The following SQSTM1 variants were observed in gnomAD, a reference collection of about 807,000 sequenced individuals.
The protein encoded by SQSTM1 is sequestosome-1.
SQSTM1 carries 36 observed loss-of-function variants against 45.1 expected under a neutral mutation model. That is an observed-to-expected ratio of 0.80 (90% confidence interval 0.61 to 1.05). The LOEUF (loss-of-function observed/expected upper bound fraction) is 1.05, where lower values mean the gene tolerates loss of function less well. Ranked by LOEUF, SQSTM1 falls within the 50% of genes least tolerant of loss-of-function variation. SQSTM1 has a pLI of 0.00. For synonymous variants in SQSTM1, 290 were observed against 244.3 expected (o/e 1.19, Z -1.74); for missense variants, 617 against 607.1 (o/e 1.02, Z -0.17).
At chr5:179,832,354 C>T (rs1758267756) in intron 5 of SQSTM1, among the ~76,000 whole-genome samples, 1 of 152,224 alleles carries the variant, frequency 6.6e-6, no homozygotes, top group Non-Finnish European at 1.5e-5. Flanking sequence ...TCCCCTCTGT[C>T]CCTGGTGAGT....
In SQSTM1 at chr5:179,837,886, C is replaced by G. The variant is rs201824663; in HGVS notation, c.*1293C>G. 306 of 1,601,874 alleles carry G rather than the reference C, an allele frequency of 1.9e-4. 3 individuals are homozygous for G. In the South Asian group the frequency reaches 3.3e-3, roughly 17 times the overall value. On this transcript the variant is annotated 3_prime_UTR_variant, in exon 8 of 8. Coordinates refer to ENST00000389805, the MANE Select transcript of SQSTM1 (RefSeq NM_003900.5). ...CCTTCCATGTCAGGCCAGCCTGTCC[C>G]TGAAAGAGAAGATGGCCATGCCCTC...
chr5:179,834,339 T>C (rs1307777328), intron 7 of SQSTM1, among the ~76,000 whole-genome samples: 3 of 151,740 alleles, frequency 2.0e-5, no homozygotes, highest in South Asian at 2.1e-4. Context: ...GGGCCGCCGC[T>C]GTGTGTCTTC....
At chr5:179,832,997 A>ACTTCACGG (rs1758306918) in intron 5 of SQSTM1, 35 bp from the exon 6 acceptor site, 1 of 1,611,022 alleles carries the variant, frequency 6.2e-7, no homozygotes, top group African/African-American at 1.3e-5. Flanking sequence ...CCTTGGGGGA[A>ACTTCACGG]CTTCACGGCT....
chr5:179,828,369 C>CTTTTTTTTTTTTTTTTTTTTTT (rs57483633), intron 5 of SQSTM1, among the ~76,000 whole-genome samples: 1 of 98,302 alleles, frequency 1.0e-5, no homozygotes, highest in Admixed American at 1.0e-4. Flanking sequence ...TTTTTCTTAT[C>CTTTTTTTTTTTTTTTTTTTTTT]TTTTTTTTTT....
At chr5:179,814,015 T>G (rs938243228), upstream of SQSTM1, among the ~76,000 whole-genome samples, 1 of 152,188 alleles carries the variant, frequency 6.6e-6, no homozygotes. Flanking sequence ...TAAAAATGTC[T>G]ATCGGGGTGG....
At chr5:179,809,778 A>G (rs1757339582) in intron 1 of SQSTM1, among the ~76,000 whole-genome samples, 3 of 149,416 alleles carry the variant, frequency 2.0e-5, no homozygotes, top group African/African-American at 7.4e-5. Flanking sequence ...TGAGTAGCTG[A>G]GATTACAGGC....
In SQSTM1 at chr5:179,837,915, G is replaced by T. The variant is rs1065154; in HGVS notation, c.*1322G>T. 911,284 of 1,586,700 alleles carry T rather than the reference G, an allele frequency of 0.57. 269,215 individuals carry two copies. Among genetic ancestry groups the T allele is most frequent in the African/African-American group, 0.88 (65,877 of 74,658 alleles). ...AAGAGAAGATGGCCATGCCCTCCAT[G>T]TGTAAGAACAATGCCAGGGCCCAGG... On this transcript the variant is annotated 3_prime_UTR_variant, in exon 8 of 8. Transcript: ENST00000389805.
chr5:179,818,648 G>A (rs1207711929), upstream of SQSTM1, among the ~76,000 whole-genome samples: 1 of 152,112 alleles, frequency 6.6e-6, no homozygotes, highest in African/African-American at 2.4e-5. Flanking sequence ...TTCCACCTCA[G>A]CCCCCCTGCA....
intron 5 of SQSTM1, among the ~76,000 whole-genome samples, chr5:179,832,506 A>G (rs917560229): frequency 1.3e-5 from 2 of 152,306 alleles, no homozygotes; most frequent in South Asian, 4.1e-4. Context: ...CTCTGTGTGC[A>G]GGTGTCAGGA....
chr5:179,832,502 G>T (rs991843656), intron 5 of SQSTM1, among the ~76,000 whole-genome samples: 2 of 152,232 alleles, frequency 1.3e-5, no homozygotes, highest in Non-Finnish European at 2.9e-5. Context: ...AAGCCTCTGT[G>T]TGCAGGTGTC....
At chr5:179,831,532 C>G (rs969212544) in intron 5 of SQSTM1, among the ~76,000 whole-genome samples, 2 of 151,892 alleles carry the variant, frequency 1.3e-5, no homozygotes, top group Non-Finnish European at 2.9e-5. Context: ...CGTGGTGGCA[C>G]GTGCCTATAG....
intron 5 of SQSTM1, 24 bp from the exon 6 acceptor site, chr5:179,833,008 T>G: frequency 6.2e-7 from 1 of 1,613,702 alleles, no homozygotes; most frequent in Non-Finnish European, 8.5e-7. Context: ...CTTCACGGCT[T>G]GCTCTTTCCT....
rs1370363543 is a variant in SQSTM1 at position 179,824,278 on chromosome 5, C to A, written c.628C>A (p.Pro210Thr). ...MGPPGNWSPR[P>T]PRAGEARPGP... ...TCCACCAGGAAACTGGAGCCCACGT[C>A]CTCCTCGTGCAGGGGAGGCCCGCCC... Residue 210 changes from proline to threonine, a missense_variant, in exon 4 of 8, where the codon CCT becomes ACT. Coordinates refer to ENST00000389805, the MANE Select transcript of SQSTM1 (RefSeq NM_003900.5). 6.2e-7 allele frequency: 1 copy of A among 1,613,612 alleles called. No homozygotes were observed. Among genetic ancestry groups the A allele is most frequent in the African/African-American group, 1.3e-5 (1 of 74,948 alleles).
exon 2 of SQSTM1, chr5:179,811,614 C>T (rs1362524389): frequency 2.0e-5 from 3 of 152,162 alleles, no homozygotes; most frequent in Admixed American, 2.0e-4. Flanking sequence ...GCACAAGAAC[C>T]TGGCTTTTAG....
chr5:179,825,654 C>G (rs1378651716), intron 5 of SQSTM1, among the ~76,000 whole-genome samples: 1 of 152,166 alleles, frequency 6.6e-6, no homozygotes, highest in African/African-American at 2.4e-5. Context: ...TTACAACCCC[C>G]AAACCTTTCT....
Position 179,837,549 on chromosome 5 carries a change from C to T in SQSTM1, c.*956C>T, listed in dbSNP as rs377076809. ...CAAGGCCTCTCAGACCCAGATGTGA[C>T]GGGGTGTGTGGCCCGAGGAAGCTGG... On this transcript the variant is annotated 3_prime_UTR_variant, in exon 8 of 8. Coordinates refer to ENST00000389805, the MANE Select transcript of SQSTM1 (RefSeq NM_003900.5). The T allele has an allele frequency of 5.8e-5, 93 of 1,614,060 alleles. No individual in the cohort carries two copies. The highest frequency in any genetic ancestry group is 3.2e-4 in the Admixed American group (19 of 60,002).
chr5:179,824,153 GC>G, intron 3 of SQSTM1, 28 bp from the exon 4 acceptor site: 1 of 1,613,554 alleles, frequency 6.2e-7, no homozygotes, highest in Non-Finnish European at 8.5e-7. Context: ...CCCGCTCACT[GC>G]CTGCCGCTCT....
Position 179,824,172 on chromosome 5 carries a change from C to T in SQSTM1, c.532-10C>T. On this transcript the variant is annotated splice_polypyrimidine_tract_variant and intron_variant, in intron 3 of 7. Transcript: ENST00000389805. The stretch of plus-strand genomic sequence containing the variant: ...CTCACTGCCTGCCGCTCTGCTAATT[C>T]CTCCCCCAGGGCTTCTCGCACAGCC... 1.2e-6 allele frequency: 2 copies of T among 1,613,760 alleles called. No homozygotes were observed. The highest frequency in any genetic ancestry group is 1.1e-5 in the South Asian group (1 of 91,090).
rs2113489349 is a variant in SQSTM1 at position 179,824,332 on chromosome 5, T to G, written c.673+9T>G. ...CCCCACGGCAGAATCAGGTGAGGCTTGTGTTGGAACCTGCTTCTGATTGGT... is the reference window on the plus strand; with the variant it reads ...CCCCACGGCAGAATCAGGTGAGGCTGGTGTTGGAACCTGCTTCTGATTGGT... On this transcript the variant is annotated intron_variant, in intron 4 of 7. Coordinates refer to ENST00000389805, the MANE Select transcript of SQSTM1 (RefSeq NM_003900.5). 1.2e-6 allele frequency: 2 copies of G among 1,613,338 alleles called. No individual in the cohort carries two copies. The highest frequency in any genetic ancestry group is 1.7e-6 in the Non-Finnish European group (2 of 1,180,002).
Sources: gnomAD v4.1 joint callset for allele counts (sites outside exome capture counted in the v4.1 genomes callset) on GRCh38, gnomAD v4.1.1 for gene constraint, MANE v1.5 for transcripts, NCBI Gene and HGNC (gene_info 2026-07-23, HGNC 2026-07-21) for gene names.